The following ARNT variants were observed in gnomAD, a reference collection of about 807,000 sequenced individuals.
ARNT encodes the protein class E basic helix-loop-helix protein 2.
Under a neutral mutation model 105.0 loss-of-function variants are expected in ARNT, and 30 were observed. The observed-to-expected ratio is 0.29, with a 90% CI of 0.21 to 0.39. ARNT has a LOEUF of 0.39. Ranked by LOEUF, ARNT falls within the 10% of genes least tolerant of loss-of-function variation. ARNT has a pLI of 1.00. For missense variants in ARNT, 748 were observed against 978.7 expected (o/e 0.76, Z 3.15); for synonymous variants, 304 against 344.0 (o/e 0.88, Z 1.29).
At chr1:150,847,650 G>C (rs1571369320) in intron 3 of ARNT, among the ~76,000 whole-genome samples, 1 of 152,102 alleles carries the variant, frequency 6.6e-6, no homozygotes, top group East Asian at 1.9e-4. Flanking sequence ...AAGACTAGTG[G>C]TTACCCTCAT....
Position 150,829,236 on chromosome 1 carries a change from G to A in ARNT, c.1033-9C>T. On this transcript the variant is annotated splice_polypyrimidine_tract_variant and intron_variant, in intron 11 of 21. Transcript: ENST00000358595. ...TTGGGAGAACTAGTTACCTGAGAGT[G>A]AAGAGATAAAAATGAGGTAAAATGA... is the stretch of plus-strand genomic sequence containing the variant. The A allele has an allele frequency of 6.2e-7, 1 of 1,611,602 alleles. No individual in the cohort carries two copies. Among genetic ancestry groups the A allele is most frequent in the African/African-American group, 1.3e-5 (1 of 74,996 alleles).
At position 150,867,529 on chromosome 1, in the gene ARNT, GA is replaced by G. The variant is rs1307153631; in HGVS notation, c.25+9013del. On this transcript the variant is annotated intron_variant, in intron 1 of 21. Transcript: ENST00000358595. ...GTAAAACCCTGTCTCAACTTTAAAA[GA>G]AAAAGAGAGAGATATCTTTTAAATA... Among the ~76,000 whole-genome samples, 16 of 152,126 alleles carry G rather than the reference GA, an allele frequency of 1.1e-4. No individual in the cohort carries two copies. The East Asian group carries it at 1.7e-3, about 17-fold the overall frequency.
At chr1:150,833,594 G>A (rs1174996955) in intron 8 of ARNT, among the ~76,000 whole-genome samples, 1 of 152,096 alleles carries the variant, frequency 6.6e-6, no homozygotes, top group Non-Finnish European at 1.5e-5. Context: ...ATAATTTCTA[G>A]CAACTATCCT....
intron 7 of ARNT, among the ~76,000 whole-genome samples, chr1:150,835,691 T>A (rs1423530278): frequency 6.6e-6 from 1 of 152,198 alleles, no homozygotes; most frequent in Non-Finnish European, 1.5e-5. Context: ...CCAGTTTTTT[T>A]ATCTGCTTCC....
chr1:150,867,519 A>C (rs1666797721), intron 1 of ARNT, among the ~76,000 whole-genome samples: 1 of 152,196 alleles, frequency 6.6e-6, no homozygotes, highest in Non-Finnish European at 1.5e-5. Context: ...ACCCTGTCTC[A>C]ACTTTAAAAG....
intron 11 of ARNT, chr1:150,829,508 C>A: frequency 1.7e-6 from 1 of 597,128 alleles, no homozygotes; most frequent in African/African-American, 1.8e-5. Flanking sequence ...ACTCATTACT[C>A]AGGTTGATAT....
chr1:150,846,695 T>C (rs928319099), intron 3 of ARNT, among the ~76,000 whole-genome samples: 1 of 152,186 alleles, frequency 6.6e-6, no homozygotes, highest in Non-Finnish European at 1.5e-5. Flanking sequence ...CATATTCACA[T>C]TGTTGTGCAA....
intron 11 of ARNT, 115 bp downstream of exon 11, chr1:150,829,789 G>T: frequency 8.7e-7 from 1 of 1,142,886 alleles, no homozygotes. Context: ...CAAATTTTGA[G>T]AGTTTTATGG....
At position 150,820,840 on chromosome 1, in the gene ARNT, G is replaced by A. The variant is rs114897471; in HGVS notation, c.1394+2354C>T. ...TTGGTACATTAGAAATCCCAACATT[G>A]GAAAATGCCTATGTGATATTATGAA... On this transcript the variant is annotated intron_variant, in intron 14 of 21. Coordinates refer to ENST00000358595, the MANE Select transcript of ARNT (RefSeq NM_001668.4). Among the ~76,000 whole-genome samples, 448 of 152,274 alleles carry A rather than the reference G, an allele frequency of 2.9e-3. 3 individuals carry two copies. The highest frequency in any genetic ancestry group is 0.01 in the African/African-American group (434 of 41,544).
At chr1:150,852,925 A>G (rs1464697736) in intron 2 of ARNT, 119 bp from the exon 3 acceptor site, 1 of 1,246,766 alleles carries the variant, frequency 8.0e-7, no homozygotes, top group African/African-American at 1.5e-5. Flanking sequence ...GGAAAGAGGA[A>G]GTGGCAGAAG....
intron 12 of ARNT, 79 bp from the exon 13 acceptor site, chr1:150,826,696 G>A: frequency 3.6e-6 from 4 of 1,097,208 alleles, no homozygotes; most frequent in Non-Finnish European, 5.4e-6. Context: ...CCAGGCTGGA[G>A]TACGATGGCG....
At chr1:150,853,253 C>A (rs1663970320) in intron 2 of ARNT, 2 of 373,998 alleles carry the variant, frequency 5.3e-6, no homozygotes, top group Non-Finnish European at 1.0e-5. Flanking sequence ...TGCACTCAAG[C>A]CTGGGCGACA....
At chr1:150,839,704 T>G in intron 5 of ARNT, 50 bp from the exon 6 acceptor site, 1 of 1,552,630 alleles carries the variant, frequency 6.4e-7, no homozygotes, top group Non-Finnish European at 8.8e-7. Context: ...ATCTGGTCAT[T>G]TGGTAGCAGG....
intron 3 of ARNT, 91 bp from the exon 4 acceptor site, chr1:150,846,398 C>A (rs1406687587): frequency 1.5e-6 from 2 of 1,309,854 alleles, no homozygotes; most frequent in African/African-American, 1.5e-5. Flanking sequence ...TGAAAATATT[C>A]AATAGAAAAA....
At position 150,852,779 on chromosome 1, in the gene ARNT, C is replaced by T. The variant is rs770086013; in HGVS notation, c.165G>A (p.Gly55=). Residue 55 remains glycine (G), a synonymous_variant, in exon 3 of 22, where the codon GGG becomes GGA. Coordinates refer to ENST00000358595, the MANE Select transcript of ARNT (RefSeq NM_001668.4). ...PGLDFDDDGE[G]NSKFLRCDDD... ...TCTCTTACCTCAAAAATTTACTGTT[C>T]CCTTCTCCATCATCATCAAAATCCA... The T allele has an allele frequency of 1.2e-6, 2 of 1,613,756 alleles. No homozygotes were observed. Among genetic ancestry groups the T allele is most frequent in the Non-Finnish European group, 1.7e-6 (2 of 1,179,908 alleles).
chr1:150,861,100 T>C (rs1401649568), intron 1 of ARNT: 3 of 164,074 alleles, frequency 1.8e-5, no homozygotes, highest in Admixed American at 1.2e-4. Context: ...CAAAAATATA[T>C]AAATAAATAA....
chr1:150,856,537 C>T (rs913038915), intron 2 of ARNT, among the ~76,000 whole-genome samples: 1 of 151,072 alleles, frequency 6.6e-6, no homozygotes, highest in African/African-American at 2.4e-5. Context: ...CCAAGGTGGG[C>T]ATATCACCTG....
chr1:150,854,096 CTTTT>C (rs587597346), intron 2 of ARNT, among the ~76,000 whole-genome samples: 2 of 152,200 alleles, frequency 1.3e-5, no homozygotes, highest in Middle Eastern at 3.4e-3. Context: ...TCCTTTCTTT[CTTTT>C]TAAGAGACAA....
In ARNT at chr1:150,816,416, A is replaced by T. The variant is rs767542779; in HGVS notation, c.1803-10T>A. The T allele has an allele frequency of 5.6e-6, 9 of 1,599,576 alleles. No homozygotes were observed. Among genetic ancestry groups the T allele is most frequent in the Admixed American group, 1.8e-5 (1 of 55,640 alleles). ...GGCTAGGCCACTATTCCTAGGAGTG[A>T]ATAAATGAGGTAAAAGATTAAAAGG... is the stretch of plus-strand genomic sequence containing the variant. On this transcript the variant is annotated splice_polypyrimidine_tract_variant and intron_variant, in intron 18 of 21. Coordinates refer to ENST00000358595, the MANE Select transcript of ARNT (RefSeq NM_001668.4).
Sources: gnomAD v4.1 joint callset for allele counts (sites outside exome capture counted in the v4.1 genomes callset) on GRCh38, gnomAD v4.1.1 for gene constraint, MANE v1.5 for transcripts, NCBI Gene and HGNC (gene_info 2026-07-23, HGNC 2026-07-21) for gene names.